CFAP47: variants seen among roughly 807,000 people sequenced by gnomAD.
The protein encoded by CFAP47 is cilia- and flagella-associated protein 47.
Under a neutral mutation model 148.1 loss-of-function variants are expected in CFAP47, and 29 were observed. The observed-to-expected ratio is 0.20, with a 90% CI of 0.15 to 0.27. CFAP47 has a LOEUF of 0.27. Ranked by LOEUF, CFAP47 falls within the 10% of genes least tolerant of loss-of-function variation. The pLI is 1.00. For synonymous variants in CFAP47, 664 were observed against 577.3 expected, an observed-to-expected ratio of 1.15 and a Z score of -2.15; for missense variants, 1,872 against 1,697.5, an observed-to-expected ratio of 1.10 and a Z score of -1.81.
intron 15 of CFAP47, among the ~76,000 whole-genome samples, chrX:35,980,509 TTG>T (rs1228343136): frequency 8.9e-6 from 1 of 111,978 alleles, no homozygotes; most frequent in African/African-American, 3.2e-5. Context: ...TCCCCAGGAT[TTG>T]TCTTTCTGCA....
chrX:36,019,330 T>A (rs995021044), intron 22 of CFAP47, among the ~76,000 whole-genome samples: 2 of 111,745 alleles, frequency 1.8e-5, no homozygotes, highest in African/African-American at 6.5e-5. Flanking sequence ...CAAGGCCAGG[T>A]TCCTCGGCCT....
At chrX:36,264,565 G>A (rs1054067005) in intron 49 of CFAP47, among the ~76,000 whole-genome samples, 7 of 111,474 alleles carry the variant, frequency 6.3e-5, no homozygotes, top group African/African-American at 2.3e-4. Context: ...CCCCACAATT[G>A]CTATGCTTCT....
chrX:36,235,797 A>G (rs1031105148), intron 46 of CFAP47, 137 bp from the exon 47 acceptor site: 2 of 348,544 alleles, frequency 5.7e-6, no homozygotes, highest in Non-Finnish European at 1.0e-5. Context: ...AACAAATATG[A>G]CTTTCCACTG....
In CFAP47 at chrX:36,087,390, A is replaced by G. The variant is rs1178671831; in HGVS notation, c.4916+1852A>G. Among the ~76,000 whole-genome samples, 5 of 112,492 alleles carry G rather than the reference A, an allele frequency of 4.4e-5. No homozygotes were observed. In the Admixed American group the frequency reaches 4.7e-4, roughly 11 times the overall value. On this transcript the variant is annotated intron_variant, in intron 30 of 63. Transcript: ENST00000378653. ...ATTTCTGTAAAGAGATTCTTTGGGT[A>G]GAAGACCTAAAGATACATGGAGATG...
chrX:36,127,661 C>T (rs982248825), intron 33 of CFAP47, among the ~76,000 whole-genome samples: 17 of 110,870 alleles, frequency 1.5e-4, no homozygotes, highest in African/African-American at 5.2e-4. Context: ...GGGGTGGCAT[C>T]GAATCTGTAA....
At chrX:36,163,426 C>A (rs2146851642) in intron 39 of CFAP47, among the ~76,000 whole-genome samples, 1 of 110,331 alleles carries the variant, frequency 9.1e-6, no homozygotes, top group Non-Finnish European at 1.9e-5. Flanking sequence ...TTAATTATTT[C>A]CTTCTATTTG....
intron 15 of CFAP47, among the ~76,000 whole-genome samples, chrX:35,981,506 C>T (rs1375867001): frequency 2.7e-5 from 3 of 109,654 alleles, no homozygotes; most frequent in Non-Finnish European, 5.7e-5. Flanking sequence ...GATGATATAA[C>T]AATTAGACAA....
intron 21 of CFAP47, among the ~76,000 whole-genome samples, chrX:36,002,933 A>G (rs775968567): frequency 1.8e-4 from 20 of 111,608 alleles, no homozygotes; most frequent in South Asian, 1.5e-3. Flanking sequence ...GAGTTTGAAT[A>G]TTAGAAAATG....
intron 37 of CFAP47, among the ~76,000 whole-genome samples, chrX:36,149,886 G>A (rs1341540949): frequency 9.1e-6 from 1 of 110,212 alleles, no homozygotes; most frequent in Non-Finnish European, 1.9e-5. Flanking sequence ...TGGGATTACA[G>A]GCATGAGCCA....
At chrX:36,344,496 T>C (rs1228564433) in intron 57 of CFAP47, among the ~76,000 whole-genome samples, 1 of 111,521 alleles carries the variant, frequency 9.0e-6, no homozygotes, top group East Asian at 2.8e-4. Flanking sequence ...CAGTTCTACT[T>C]GTAGGCTTGG....
intron 22 of CFAP47, among the ~76,000 whole-genome samples, chrX:36,026,053 T>C (rs1035068515): frequency 1.7e-4 from 19 of 111,925 alleles, no homozygotes; most frequent in African/African-American, 6.2e-4. Flanking sequence ...AAAAAGTACA[T>C]ATGTAACGCA....
chrX:36,319,123 TA>T (rs1941458950), intron 56 of CFAP47, 85 bp from the exon 57 acceptor site: 1 of 445,289 alleles, frequency 2.2e-6, no homozygotes, highest in African/African-American at 2.6e-5. Flanking sequence ...TATTAGAGGA[TA>T]ATTTTTATTC....
chrX:36,200,401 C>T lies in CFAP47; in HGVS notation c.6344C>T (p.Ala2115Val), dbSNP rs930603348. 3.4e-5 allele frequency: 10 copies of T among 294,951 alleles called. No individual in the cohort carries two copies. Among genetic ancestry groups the T allele is most frequent in the East Asian group, 2.4e-4 (5 of 20,929 alleles). 24.3% of individuals were successfully genotyped at this position (294,951 alleles called of 1,213,427 possible). A position where few individuals can be genotyped will look rare whatever the true frequency, so the allele number is the denominator to read the frequency against. ...TAGATTGGACAATTAATATATGTTGCGGAAGGAAAAGGTATGACCCCCTTG... is the reference window on the plus strand; with the variant it reads ...TAGATTGGACAATTAATATATGTTGTGGAAGGAAAAGGTATGACCCCCTTG... The part of the protein sequence containing the change: ...NKKIGQLIYV[A>V]EGKGMTPLPS... Residue 2115 changes from alanine to valine, a missense_variant, in exon 43 of 64, where the codon GCG (alanine) becomes GTG (valine). Coordinates refer to ENST00000378653, the MANE Select transcript of CFAP47 (RefSeq NM_001304548.2).
At chrX:36,240,433 A>G (rs1322238221) in intron 48 of CFAP47, among the ~76,000 whole-genome samples, 5 of 111,599 alleles carry the variant, frequency 4.5e-5, no homozygotes, top group Non-Finnish European at 5.6e-5. Context: ...TCATATAAAT[A>G]TAGTTATAAA....
intron 22 of CFAP47, among the ~76,000 whole-genome samples, chrX:36,027,767 C>A (rs1420016965): frequency 1.8e-5 from 2 of 111,746 alleles, no homozygotes; most frequent in Non-Finnish European, 3.8e-5. Context: ...AACTTATATT[C>A]CCATCAACAG....
At chrX:36,066,569 T>G (rs1937643371) in intron 27 of CFAP47, among the ~76,000 whole-genome samples, 1 of 111,726 alleles carries the variant, frequency 9.0e-6, no homozygotes, top group African/African-American at 3.3e-5. Flanking sequence ...TGACTCTTTT[T>G]ACTGGTCACA....
intron 33 of CFAP47, among the ~76,000 whole-genome samples, chrX:36,129,683 T>A (rs778828456): frequency 9.0e-6 from 1 of 111,248 alleles, no homozygotes; most frequent in African/African-American, 3.2e-5. Context: ...TCCAGCAATA[T>A]AGAAAAAGAA....
intron 2 of CFAP47, among the ~76,000 whole-genome samples, chrX:35,933,996 C>A (rs1331165203): frequency 1.8e-5 from 2 of 111,516 alleles, no homozygotes; most frequent in Non-Finnish European, 3.8e-5. Flanking sequence ...GTGTAGTTTG[C>A]AAATATTTTT....
At chrX:35,998,309 A>G (rs930810521) in intron 19 of CFAP47, among the ~76,000 whole-genome samples, 19 of 110,885 alleles carry the variant, frequency 1.7e-4, no homozygotes, top group African/African-American at 6.2e-4. Context: ...CACATACACC[A>G]CTTTTTTGTT....
Sources: gnomAD v4.1 joint callset for allele counts (sites outside exome capture counted in the v4.1 genomes callset) on GRCh38, gnomAD v4.1.1 for gene constraint, MANE v1.5 for transcripts, NCBI Gene and HGNC (gene_info 2026-07-23, HGNC 2026-07-21) for gene names.